Variants in LRP1B observed in about 807,000 individuals in gnomAD.
LRP1B encodes the protein low-density lipoprotein receptor-related protein 1B.
In LRP1B, 217 loss-of-function variants were observed where a neutral mutation model predicts 556.6. The ratio of observed to expected loss-of-function variants is 0.39; its 90% CI spans 0.35 to 0.44. The LOEUF is 0.44. Ranked by LOEUF, LRP1B falls within the 20% of genes least tolerant of loss-of-function variation. The pLI, the probability that LRP1B is intolerant of heterozygous loss-of-function variation, is 1.00. For missense variants in LRP1B, 5,053 were observed against 5,620.8 expected (o/e 0.90, Z 3.23); for synonymous variants, 2,047 against 1,865.8 (o/e 1.10, Z -2.50).
chr2:140,294,108 A>C (rs1683507641), intron 84 of LRP1B, among the ~76,000 whole-genome samples: 1 of 152,182 alleles, frequency 6.6e-6, no homozygotes, highest in Admixed American at 6.5e-5. Flanking sequence ...GCCACATAAT[A>C]TTTTTAAACT....
At chr2:141,647,743 G>T (rs1689633454) in intron 2 of LRP1B, among the ~76,000 whole-genome samples, 1 of 145,178 alleles carries the variant, frequency 6.9e-6, no homozygotes. Flanking sequence ...TAGCTTAATA[G>T]TAGTTTTTAA....
chr2:140,584,786 T>C lies in LRP1B; in HGVS notation c.7194+13845A>G, dbSNP rs72894786. On this transcript the variant is annotated intron_variant, in intron 43 of 90. Transcript: ENST00000389484. ...TGTAAGAAATAAACACTATTAAGCC[T>C]ACTGCAATATCATTCCTATCTTACT... is the stretch of plus-strand genomic sequence containing the variant. Among the ~76,000 whole-genome samples, 1,075 of 152,264 alleles carry C rather than the reference T, an allele frequency of 7.1e-3. 8 individuals are homozygous for C. Among genetic ancestry groups the C allele is most frequent in the Admixed American group, 0.02 (301 of 15,286 alleles).
intron 1 of LRP1B, among the ~76,000 whole-genome samples, chr2:141,848,628 A>T (rs1697739055): frequency 1.3e-5 from 2 of 151,598 alleles, no homozygotes; most frequent in African/African-American, 4.8e-5. Context: ...CCATTTGGTT[A>T]CATTAACACC....
intron 7 of LRP1B, among the ~76,000 whole-genome samples, chr2:141,146,634 AAC>A (rs1574123718): frequency 6.6e-6 from 1 of 152,226 alleles, no homozygotes; most frequent in Non-Finnish European, 1.5e-5. Flanking sequence ...AGAGAATATA[AAC>A]ACACACATAT....
At chr2:141,315,224 T>C (rs993715390) in intron 3 of LRP1B, among the ~76,000 whole-genome samples, 3 of 150,310 alleles carry the variant, frequency 2.0e-5, no homozygotes, top group African/African-American at 7.3e-5. Flanking sequence ...CCAATCAAGA[T>C]TGTTGTGAGA....
intron 2 of LRP1B, among the ~76,000 whole-genome samples, chr2:141,684,608 G>GAA (rs571227186): frequency 5.9e-4 from 89 of 150,776 alleles, no homozygotes; most frequent in Non-Finnish European, 8.7e-4. Context: ...TAAAAAAAAA[G>GAA]AAAAAAAAAT....
intron 18 of LRP1B, among the ~76,000 whole-genome samples, chr2:140,958,147 TA>T (rs1345278306): frequency 6.6e-6 from 1 of 151,324 alleles, no homozygotes; most frequent in Non-Finnish European, 1.5e-5. Flanking sequence ...TAATAATAAT[TA>T]TAAAATAATT....
intron 2 of LRP1B, among the ~76,000 whole-genome samples, chr2:141,696,823 T>C (rs1380848941): frequency 6.6e-6 from 1 of 151,994 alleles, no homozygotes; most frequent in Admixed American, 6.6e-5. Flanking sequence ...TGACTGTTTT[T>C]ATATTTGAAT....
intron 3 of LRP1B, among the ~76,000 whole-genome samples, chr2:141,282,539 G>T (rs1431291897): frequency 5.6e-5 from 8 of 143,048 alleles, no homozygotes; most frequent in Non-Finnish European, 1.5e-5. Context: ...TCAAAGGAAG[G>T]AGAGAATATA....
intron 69 of LRP1B, 94 bp downstream of exon 69, chr2:140,372,914 A>T (rs1683055976): frequency 1.5e-6 from 2 of 1,299,922 alleles, no homozygotes; most frequent in Non-Finnish European, 2.2e-6. Context: ...AACATATGAC[A>T]TATTTGCCAC....
intron 3 of LRP1B, among the ~76,000 whole-genome samples, chr2:141,395,554 A>G (rs528627925): frequency 3.9e-5 from 6 of 152,264 alleles, no homozygotes; most frequent in African/African-American, 1.4e-4. Context: ...CTGAAGGTAT[A>G]CCTGTCTTTA....
chr2:140,656,861 G>A (rs1365364215), intron 41 of LRP1B, among the ~76,000 whole-genome samples: 2 of 152,114 alleles, frequency 1.3e-5, no homozygotes, highest in African/African-American at 4.8e-5. Flanking sequence ...ATGTAAATTT[G>A]AGAGAAATGG....
intron 1 of LRP1B, among the ~76,000 whole-genome samples, chr2:141,887,463 A>G (rs544425093): frequency 3.3e-5 from 5 of 152,176 alleles, no homozygotes; most frequent in African/African-American, 1.2e-4. Flanking sequence ...TGTTGTCTTC[A>G]CCCTTTACTG....
At chr2:141,354,888 C>G (rs952786653) in intron 3 of LRP1B, among the ~76,000 whole-genome samples, 1 of 151,944 alleles carries the variant, frequency 6.6e-6, no homozygotes, top group Non-Finnish European at 1.5e-5. Context: ...AATGAGAGTA[C>G]TAGAAATTAA....
chr2:140,609,405 A>G (rs919646905), intron 41 of LRP1B, among the ~76,000 whole-genome samples: 6 of 152,102 alleles, frequency 3.9e-5, no homozygotes, highest in African/African-American at 1.4e-4. Context: ...TTCTATTCCC[A>G]TGGCATTAAA....
chr2:140,555,645 T>G (rs1427447640), intron 43 of LRP1B, among the ~76,000 whole-genome samples: 4 of 152,108 alleles, frequency 2.6e-5, no homozygotes, highest in Non-Finnish European at 5.9e-5. Flanking sequence ...ATCTTAAATA[T>G]TCTTTGAATC....
intron 2 of LRP1B, among the ~76,000 whole-genome samples, chr2:141,606,883 C>T (rs1439348099): frequency 2.6e-5 from 4 of 152,112 alleles, no homozygotes; most frequent in Non-Finnish European, 4.4e-5. Context: ...ATTAAAAATA[C>T]AGTATTGCCA....
At chr2:140,788,798 G>A (rs1690002582) in intron 32 of LRP1B, among the ~76,000 whole-genome samples, 1 of 152,154 alleles carries the variant, frequency 6.6e-6, no homozygotes, top group African/African-American at 2.4e-5. Context: ...TCCTCAGTGT[G>A]ACTGTATTTG....
intron 41 of LRP1B, among the ~76,000 whole-genome samples, chr2:140,651,370 G>T (rs1360906563): frequency 1.1e-5 from 1 of 87,268 alleles, no homozygotes; most frequent in Non-Finnish European, 2.1e-5. Flanking sequence ...GGGGAGGGGG[G>T]AGGGATAGCA....
Sources: allele counts gnomAD v4.1 joint callset (sites outside exome capture counted in the v4.1 genomes callset), GRCh38; gene constraint gnomAD v4.1.1; transcripts MANE v1.5; gene names NCBI Gene and HGNC (gene_info 2026-07-23, HGNC 2026-07-21).